The following GPX8 variants were observed in gnomAD, a reference collection of about 807,000 sequenced individuals.
The protein encoded by GPX8 is glutathione peroxidase 8 (putative), also known as protein peroxidase GPX8.
GPX8 carries 12 observed loss-of-function variants against 17.8 expected under a neutral mutation model. That is an observed-to-expected ratio of 0.67 (90% CI 0.43 to 1.09). The LOEUF (loss-of-function observed/expected upper bound fraction) is 1.09. GPX8 is among the 50% of genes least tolerant of loss of function. GPX8 has a pLI of 0.00. For missense variants in GPX8, 209 were observed against 235.6 expected (o/e 0.89, Z 0.74); for synonymous variants, 86 against 88.1 (o/e 0.98, Z 0.14).
Position 55,164,067 on chromosome 5 carries a change from A to G in GPX8, c.479A>G (p.Lys160Arg). The G allele has an allele frequency of 1.9e-6, 3 of 1,581,022 alleles. No homozygotes were observed. The highest frequency in any genetic ancestry group is 2.3e-5 in the South Asian group (2 of 85,422). The change falls in exon 3 of 3, where the codon AAG becomes AGG. Residue 160 changes from lysine (K) to arginine (R), a missense_variant. By Grantham distance (26) the Lys-to-Arg change is conservative (BLOSUM62 2). Transcript: ENST00000503787. ...CTGGATATTTTAGATTCTTCAAAGA[A>G]GGAACCAAGGTGGAATTTTTGGAAG... ...AFRFLVDSSK[K>R]EPRWNFWKYL...
In GPX8 at chr5:55,161,064, T is replaced by C. The variant is rs1744025386; in HGVS notation, c.275T>C (p.Leu92Pro). 6.2e-7 allele frequency: 1 copy of C among 1,614,192 alleles called. No homozygotes were observed. The highest frequency in any genetic ancestry group is 1.6e-4 in the Middle Eastern group (1 of 6,062). Reference protein sequence around the residue: ...TDRNYLGLKELHKEFGPSHFS... With the variant: ...TDRNYLGLKEPHKEFGPSHFS... ...AGAAATTACTTAGGGCTGAAGGAAC[T>C]GCACAAAGAGTTTGGACCATCCCAC... The change falls in exon 2 of 3, where the codon CTG becomes CCG. Residue 92 changes from leucine to proline, a missense_variant. Transcript: ENST00000503787.
chr5:55,163,814 C>T (rs1374051250), intron 2 of GPX8, among the ~76,000 whole-genome samples: 2 of 149,448 alleles, frequency 1.3e-5, no homozygotes, highest in Non-Finnish European at 1.5e-5. Flanking sequence ...GCCTACTTTG[C>T]TTCATTTCTT....
rs1744308787 is a variant in GPX8 at position 55,165,055 on chromosome 5, T to G, written c.*837T>G. 6.6e-6 allele frequency: 1 copy of G among 152,202 alleles called. No homozygotes were observed. Among genetic ancestry groups the G allele is most frequent in the African/African-American group, 2.4e-5 (1 of 41,444 alleles). The allele number at this position is 152,202 out of a possible 1,614,324, so 9.4% of individuals were successfully genotyped here. On this transcript the variant is annotated 3_prime_UTR_variant, in exon 3 of 3. Transcript: ENST00000503787. ...GGACATGAGTATAAGATCATTTAACTTGATTCCTTATAGGCTGATTTGGGT... is the reference window on the plus strand; with the variant it reads ...GGACATGAGTATAAGATCATTTAACGTGATTCCTTATAGGCTGATTTGGGT...
Position 55,167,153 on chromosome 5 carries a change from G to A in GPX8, c.*2935G>A, listed in dbSNP as rs1744438610. On this transcript the variant is annotated 3_prime_UTR_variant, in exon 3 of 3. Transcript: ENST00000503787. Reference sequence around the variant, plus strand: ...ACAAAATCAAATGCATTTTAACTGTGGTAACTAATTCACTGACTTGAAGTT... The same window carrying A: ...ACAAAATCAAATGCATTTTAACTGTAGTAACTAATTCACTGACTTGAAGTT... 6.6e-6 allele frequency: 1 copy of A among 152,200 alleles called. No individual in the cohort carries two copies. Among genetic ancestry groups the A allele is most frequent in the Non-Finnish European group, 1.5e-5 (1 of 68,034 alleles). The allele number at this position is 152,200 out of a possible 1,614,324, so 9.4% of individuals were successfully genotyped here. A position where few individuals can be genotyped will look rare whatever the true frequency, so the allele number is the denominator to read the frequency against.
At position 55,166,341 on chromosome 5, in the gene GPX8, A is replaced by G. The variant is rs571944776; in HGVS notation, c.*2123A>G. On this transcript the variant is annotated 3_prime_UTR_variant, in exon 3 of 3. Transcript: ENST00000503787. Reference sequence around the variant, plus strand: ...AAAGCCAGATAAAGTGGGTTTCTTCACTTACATCTCTCTAATCTTGGCTGC... The same window carrying G: ...AAAGCCAGATAAAGTGGGTTTCTTCGCTTACATCTCTCTAATCTTGGCTGC... 3 of 152,234 alleles carry G rather than the reference A, an allele frequency of 2.0e-5. No individual in the cohort carries two copies. Among genetic ancestry groups the G allele is most frequent in the Non-Finnish European group, 2.9e-5 (2 of 68,078 alleles). The allele number at this position is 152,234 out of a possible 1,614,324, so 9.4% of individuals were successfully genotyped here. A position where few individuals can be genotyped will look rare whatever the true frequency, so the allele number is the denominator to read the frequency against.
chr5:55,160,278 C>T lies in GPX8; in HGVS notation c.86C>T (p.Thr29Ile), dbSNP rs1743970270. 2 of 1,613,580 alleles carry T rather than the reference C, an allele frequency of 1.2e-6. No homozygotes were observed. Among genetic ancestry groups the T allele is most frequent in the East Asian group, 4.5e-5 (2 of 44,880 alleles). The part of the protein sequence containing the change: ...FAVLLSIVLC[T>I]VTLFLLQLKF... ...GTTTTGCTGTCTATAGTTCTATGCACAGTAACGCTATTTCTTCTACAACTA... is the reference window on the plus strand; with the variant it reads ...GTTTTGCTGTCTATAGTTCTATGCATAGTAACGCTATTTCTTCTACAACTA... Residue 29 changes from threonine to isoleucine, a missense_variant, in exon 1 of 3, where the codon ACA becomes ATA. Coordinates refer to ENST00000503787, the MANE Select transcript of GPX8 (RefSeq NM_001008397.4).
At chr5:55,160,924 TA>T (rs1457528328) in intron 1 of GPX8, 69 bp from the exon 2 acceptor site, 1 of 1,508,438 alleles carries the variant, frequency 6.6e-7, no homozygotes, top group African/African-American at 1.4e-5. Context: ...TTTAGGATTT[TA>T]ACTACTTGCA....
chr5:55,162,766 T>G (rs1402135164), intron 2 of GPX8, among the ~76,000 whole-genome samples: 1 of 152,242 alleles, frequency 6.6e-6, no homozygotes, highest in African/African-American at 2.4e-5. Context: ...GTGGGTGCAA[T>G]AGCTCATAGG....
At position 55,166,380 on chromosome 5, in the gene GPX8, C is replaced by T. The variant is rs1438585067; in HGVS notation, c.*2162C>T. ...AATCTTGGCTGCCTTATTCAACCTA[C>T]AGACTCTATGTCAGTGCTGGATTTT... On this transcript the variant is annotated 3_prime_UTR_variant, in exon 3 of 3. Coordinates refer to ENST00000503787, the MANE Select transcript of GPX8 (RefSeq NM_001008397.4). 6.6e-6 allele frequency: 1 copy of T among 152,246 alleles called. No homozygotes were observed. The highest frequency in any genetic ancestry group is 2.4e-5 in the African/African-American group (1 of 41,460). The allele number at this position is 152,246 out of a possible 1,614,324, so 9.4% of individuals were successfully genotyped here. A position where few individuals can be genotyped will look rare whatever the true frequency, so the allele number is the denominator to read the frequency against.
intron 2 of GPX8, among the ~76,000 whole-genome samples, chr5:55,162,598 A>G (rs1006700592): frequency 6.6e-6 from 1 of 152,266 alleles, no homozygotes; most frequent in East Asian, 1.9e-4. Context: ...TAAAAACATT[A>G]TATTTAATTT....
In GPX8 at chr5:55,161,058, A is replaced by G. The variant is rs777202382; in HGVS notation, c.269A>G (p.Lys90Arg). The G allele has an allele frequency of 6.2e-6, 10 of 1,614,094 alleles. No individual in the cohort carries two copies. In the East Asian group the frequency reaches 2.2e-4, roughly 36 times the overall value. ...QLTDRNYLGL[K>R]ELHKEFGPSH... is the part of the protein sequence containing the mutation. The stretch of plus-strand genomic sequence containing the variant: ...ACAGACAGAAATTACTTAGGGCTGA[A>G]GGAACTGCACAAAGAGTTTGGACCA... Residue 90 changes from lysine (K) to arginine (R), a missense_variant, in exon 2 of 3, where the codon AAG (lysine) becomes AGG (arginine). Transcript: ENST00000503787.
At chr5:55,163,641 G>A (rs1744211847) in intron 2 of GPX8, among the ~76,000 whole-genome samples, 1 of 151,402 alleles carries the variant, frequency 6.6e-6, no homozygotes, top group African/African-American at 2.4e-5. Flanking sequence ...CGAGTAGCTG[G>A]GATTACAGGT....
At position 55,165,492 on chromosome 5, in the gene GPX8, G is replaced by T. The variant is rs937312427; in HGVS notation, c.*1274G>T. The T allele has an allele frequency of 6.6e-6, 1 of 152,214 alleles. No individual in the cohort carries two copies. Among genetic ancestry groups the T allele is most frequent in the African/African-American group, 2.4e-5 (1 of 41,456 alleles). 9.4% of individuals were successfully genotyped at this position (152,214 alleles called of 1,614,324 possible). On this transcript the variant is annotated 3_prime_UTR_variant, in exon 3 of 3. Coordinates refer to ENST00000503787, the MANE Select transcript of GPX8 (RefSeq NM_001008397.4). The stretch of plus-strand genomic sequence containing the variant: ...TTGACTCCCAAATTCTGACCTGATG[G>T]ATGAAAGTGAAGATGTTTCGTATGG...
At position 55,160,413 on chromosome 5, in the gene GPX8, G is replaced by A; in HGVS notation, c.204+17G>A. 1.3e-6 allele frequency: 2 copies of A among 1,582,336 alleles called. No homozygotes were observed. Among genetic ancestry groups the A allele is most frequent in the Non-Finnish European group, 1.7e-6 (2 of 1,154,332 alleles). ...AAAGGCAAAGTAAGTTGCATCATCT[G>A]ATTTTTATTGTTATCATTTTTCCTT... is the stretch of plus-strand genomic sequence containing the variant. On this transcript the variant is annotated intron_variant, in intron 1 of 2. Coordinates refer to ENST00000503787, the MANE Select transcript of GPX8 (RefSeq NM_001008397.4).
intron 2 of GPX8, among the ~76,000 whole-genome samples, chr5:55,162,679 T>G (rs1744143666): frequency 6.6e-6 from 1 of 152,256 alleles, no homozygotes; most frequent in Non-Finnish European, 1.5e-5. Flanking sequence ...CCTCTTATTT[T>G]GAAGGTCCAC....
intron 2 of GPX8, among the ~76,000 whole-genome samples, chr5:55,163,658 C>T (rs1352674818): frequency 6.6e-6 from 1 of 151,494 alleles, no homozygotes; most frequent in African/African-American, 2.4e-5. Context: ...AGGTGCACAC[C>T]ACCACACCCG....
intron 2 of GPX8, 99 bp downstream of exon 2, chr5:55,161,354 G>A (rs956494052): frequency 1.0e-5 from 12 of 1,180,752 alleles, no homozygotes; most frequent in Non-Finnish European, 1.4e-5. Flanking sequence ...ACGTTGTATC[G>A]GGAAAGCTTC....
At chr5:55,160,476 C>G (rs972343410) in intron 1 of GPX8, 80 bp downstream of exon 1, 44 of 1,127,460 alleles carry the variant, frequency 3.9e-5, no homozygotes, top group Non-Finnish European at 5.4e-5. Context: ...CAATTTTTTG[C>G]TGTTACATGG....
At position 55,165,228 on chromosome 5, in the gene GPX8, C is replaced by T. The variant is rs1242024434; in HGVS notation, c.*1010C>T. ...ATACAAGTCCTAAAGTGTAGATCAG[C>T]AGTCACTGAACCTCTTAGAGTCACA... On this transcript the variant is annotated 3_prime_UTR_variant, in exon 3 of 3. Transcript: ENST00000503787. 1 of 135,486 alleles carries T rather than the reference C, an allele frequency of 7.4e-6. No homozygotes were observed. Among genetic ancestry groups the T allele is most frequent in the East Asian group, 2.2e-4 (1 of 4,508 alleles). The allele number at this position is 135,486 out of a possible 1,614,324, so 8.4% of individuals were successfully genotyped here.
Sources: gnomAD v4.1 joint callset for allele counts (sites outside exome capture counted in the v4.1 genomes callset) on GRCh38, gnomAD v4.1.1 for gene constraint, MANE v1.5 for transcripts, NCBI Gene and HGNC (gene_info 2026-07-23, HGNC 2026-07-21) for gene names.